Variants in TP63 observed in about 807,000 individuals in gnomAD.
TP63 encodes the protein tumor protein 63.
A neutral mutation model predicts 82.8 loss-of-function variants in TP63; 17 were observed. The ratio of observed to expected loss-of-function variants is 0.21; its 90% confidence interval spans 0.14 to 0.31. TP63 has a LOEUF of 0.31. Among genes scored for constraint, TP63 ranks in the 10% least tolerant of loss-of-function variants. The probability of loss-of-function intolerance (pLI) is 1.00; values close to 1 mark genes in which losing one functional copy is unlikely to be tolerated. For missense variants in TP63, 648 were observed against 895.3 expected (o/e 0.72, Z 3.52); for synonymous variants, 330 against 321.7 (o/e 1.03, Z -0.28).
chr3:189,699,396 C>T (rs1447713151), intron 1 of TP63, among the ~76,000 whole-genome samples: 1 of 152,120 alleles, frequency 6.6e-6, no homozygotes, highest in Non-Finnish European at 1.5e-5. Context: ...ATTCACTTGT[C>T]CCATGAAATT....
intron 4 of TP63, among the ~76,000 whole-genome samples, chr3:189,845,628 T>C (rs1315086060): frequency 6.6e-6 from 1 of 151,372 alleles, no homozygotes; most frequent in Non-Finnish European, 1.5e-5. Context: ...AAGCCTTTCT[T>C]AGAGTTTTCT....
intron 1 of TP63, among the ~76,000 whole-genome samples, chr3:189,685,843 C>T (rs571500771): frequency 2.6e-5 from 4 of 152,086 alleles, no homozygotes; most frequent in African/African-American, 4.8e-5. Flanking sequence ...CTTCTTAAAA[C>T]AACAACTCCG....
intron 1 of TP63, among the ~76,000 whole-genome samples, chr3:189,704,593 C>T (rs964288967): frequency 3.9e-5 from 6 of 152,214 alleles, no homozygotes; most frequent in African/African-American, 1.4e-4. Context: ...ATGTCTGTCT[C>T]GTGACTAGGC....
At chr3:189,784,538 A>T (rs1560181088) in intron 3 of TP63, among the ~76,000 whole-genome samples, 1 of 152,092 alleles carries the variant, frequency 6.6e-6, no homozygotes, top group East Asian at 1.9e-4. Context: ...GTATTAAATG[A>T]GTTTGTTATA....
At chr3:189,617,782 C>T in the TP63 span, among the ~76,000 whole-genome samples, 1 of 152,174 alleles carries the variant, frequency 6.6e-6, no homozygotes, top group African/African-American at 2.4e-5. Flanking sequence ...AAGGCCAGGA[C>T]ACAATGTGGG....
chr3:189,786,446 A>AACACACAC (rs59747587), intron 3 of TP63, among the ~76,000 whole-genome samples: 109 of 147,110 alleles, frequency 7.4e-4, no homozygotes, highest in African/African-American at 2.6e-3. Context: ...GACATACCTA[A>AACACACAC]ACACACACAC....
intron 1 of TP63, 51 bp from the exon 2 acceptor site, chr3:189,737,689 G>T: frequency 1.9e-6 from 3 of 1,586,758 alleles, no homozygotes; most frequent in South Asian, 1.1e-5. Flanking sequence ...TAAATATTCA[G>T]TGTCATAAAT....
intron 1 of TP63, among the ~76,000 whole-genome samples, chr3:189,737,177 A>T (rs1720656033): frequency 6.6e-6 from 1 of 152,182 alleles, no homozygotes; most frequent in South Asian, 2.1e-4. Flanking sequence ...GGCAATAAAA[A>T]ATTAAAAAAT....
chr3:189,792,072 A>G (rs1183509011), intron 3 of TP63, among the ~76,000 whole-genome samples: 1 of 152,088 alleles, frequency 6.6e-6, no homozygotes, highest in African/African-American at 2.4e-5. Flanking sequence ...TTTGCTAGCA[A>G]TTTCTTTGAG....
the TP63 span, among the ~76,000 whole-genome samples, chr3:189,609,689 T>G: frequency 6.6e-6 from 1 of 152,214 alleles, no homozygotes; most frequent in South Asian, 2.1e-4. Context: ...CCTCCATTCA[T>G]GTTCATGCAA....
intron 3 of TP63, among the ~76,000 whole-genome samples, chr3:189,779,305 C>T (rs560263083): frequency 6.6e-6 from 1 of 152,210 alleles, no homozygotes; most frequent in East Asian, 1.9e-4. Context: ...AAAATCAAAC[C>T]AGCAGCCTCC....
Position 189,636,538 on chromosome 3 carries a change from T to A in TP63, c.62+4961T>A, listed in dbSNP as rs187164552. On this transcript the variant is annotated intron_variant, in intron 1 of 13. Coordinates refer to ENST00000264731, the MANE Select transcript of TP63 (RefSeq NM_003722.5). Reference sequence around the variant, plus strand: ...TTGTGATTTTAAGCAAAACCGTATGTAACTAACGAAACCAATTTTACCATA... The same window carrying A: ...TTGTGATTTTAAGCAAAACCGTATGAAACTAACGAAACCAATTTTACCATA... Among the ~76,000 whole-genome samples, 9 of 152,266 alleles carry A rather than the reference T, an allele frequency of 5.9e-5. No homozygotes were observed. In the East Asian group the frequency reaches 1.7e-3, roughly 29 times the overall value.
chr3:189,703,060 G>A (rs920000155), intron 1 of TP63, among the ~76,000 whole-genome samples: 1 of 152,144 alleles, frequency 6.6e-6, no homozygotes, highest in African/African-American at 2.4e-5. Flanking sequence ...TAGGTTTAAG[G>A]AACTTGCTCC....
chr3:189,764,632 T>C (rs1409887862), intron 3 of TP63, among the ~76,000 whole-genome samples: 1 of 152,168 alleles, frequency 6.6e-6, no homozygotes, highest in Non-Finnish European at 1.5e-5. Context: ...ACTAAAGTTA[T>C]CCATTGTGTT....
chr3:189,713,939 A>G (rs1185673439), intron 1 of TP63, among the ~76,000 whole-genome samples: 2 of 152,288 alleles, frequency 1.3e-5, no homozygotes, highest in African/African-American at 4.8e-5. Context: ...TTTTTTGTTC[A>G]GTATGGAAAG....
chr3:189,682,553 AATATATATATATATATAT>A lies in TP63; in HGVS notation c.62+51001_62+51018del, dbSNP rs1179179631. On this transcript the variant is annotated intron_variant, in intron 1 of 13. Transcript: ENST00000264731. Reference sequence around the variant, plus strand: ...CCTAAGGGGAAAAAAAAAAAAAAAAAATATATATATATATATATATATATATATATATATATATATATC... The same window carrying A: ...CCTAAGGGGAAAAAAAAAAAAAAAAAATATATATATATATATATATATATC... 3.5e-3 allele frequency among the ~76,000 whole-genome samples: 36 copies of A among 10,368 alleles called. 1 individual carries two copies. Among genetic ancestry groups the A allele is most frequent in the South Asian group, 0.024 (3 of 124 alleles). The allele number at this position is 10,368 out of a possible 152,430, so 6.8% of individuals were successfully genotyped here.
chr3:189,784,430 A>G (rs1369263585), intron 3 of TP63, among the ~76,000 whole-genome samples: 1 of 152,096 alleles, frequency 6.6e-6, no homozygotes, highest in East Asian at 1.9e-4. Context: ...AAATACACAG[A>G]TTCGGATCTC....
At chr3:189,752,909 A>T (rs573442576) in intron 3 of TP63, among the ~76,000 whole-genome samples, 4 of 152,152 alleles carry the variant, frequency 2.6e-5, no homozygotes, top group African/African-American at 9.6e-5. Flanking sequence ...TCTTTGACCC[A>T]TAAGTATTTC....
the TP63 span, among the ~76,000 whole-genome samples, chr3:189,602,699 GT>G: frequency 6.6e-6 from 1 of 152,132 alleles, no homozygotes; most frequent in Admixed American, 6.5e-5. Flanking sequence ...GGGAATGGTT[GT>G]TGCATCATGA....
Sources: allele counts gnomAD v4.1 joint callset (sites outside exome capture counted in the v4.1 genomes callset), GRCh38; gene constraint gnomAD v4.1.1; transcripts MANE v1.5; gene names NCBI Gene and HGNC (gene_info 2026-07-23, HGNC 2026-07-21).